Variants in EYS observed in about 807,000 individuals in gnomAD.
The protein encoded by EYS is protein eyes shut homolog.
In EYS, 250 loss-of-function variants were observed where a neutral mutation model predicts 282.1. The ratio of observed to expected loss-of-function variants is 0.89; its 90% CI spans 0.80 to 0.98. The LOEUF (loss-of-function observed/expected upper bound fraction) is 0.98, where lower values mean the gene tolerates loss of function less well. EYS is among the 50% of genes least tolerant of loss of function. The pLI, the probability that EYS is intolerant of heterozygous loss-of-function variation, is 0.00. For synonymous variants in EYS, 1,355 were observed against 1,282.9 expected, an observed-to-expected ratio of 1.06 and a Z score of -1.20; for missense variants, 4,016 against 3,709.0, an observed-to-expected ratio of 1.08 and a Z score of -2.15.
chr6:64,558,002 G>A (rs1330220953), intron 26 of EYS, among the ~76,000 whole-genome samples: 1 of 152,012 alleles, frequency 6.6e-6, no homozygotes, highest in African/African-American at 2.4e-5. Context: ...TGATACTACA[G>A]ACACTTTCAA....
At chr6:65,507,384 A>G (rs533867600) in intron 2 of EYS, among the ~76,000 whole-genome samples, 2 of 152,170 alleles carry the variant, frequency 1.3e-5, no homozygotes, top group South Asian at 2.1e-4. Context: ...TGCATATGAC[A>G]TGCCTAGAGA....
chr6:65,357,880 A>C (rs1764555897), intron 8 of EYS, among the ~76,000 whole-genome samples: 1 of 151,912 alleles, frequency 6.6e-6, no homozygotes, highest in Admixed American at 6.6e-5. Flanking sequence ...TCGTTTTTGT[A>C]AACTTAAATA....
chr6:65,147,295 CAT>C (rs1228752550), intron 12 of EYS, among the ~76,000 whole-genome samples: 2 of 151,906 alleles, frequency 1.3e-5, no homozygotes, highest in East Asian at 1.9e-4. Context: ...TATGCACACA[CAT>C]GTCATCTCTG....
chr6:64,151,333 A>ATATATATATT (rs1774712973), intron 31 of EYS, among the ~76,000 whole-genome samples: 1 of 102,148 alleles, frequency 9.8e-6, no homozygotes, highest in African/African-American at 5.4e-5. Context: ...ATATATATAT[A>ATATATATATT]TATATATATA....
At chr6:64,722,264 C>A (rs1378507902) in intron 22 of EYS, among the ~76,000 whole-genome samples, 1 of 151,838 alleles carries the variant, frequency 6.6e-6, no homozygotes, top group African/African-American at 2.4e-5. Context: ...GATATTTTGA[C>A]AAGAAAGAAG....
intron 15 of EYS, among the ~76,000 whole-genome samples, chr6:64,942,770 G>A (rs1283238970): frequency 1.4e-5 from 2 of 139,796 alleles, no homozygotes; most frequent in Admixed American, 7.5e-5. Context: ...ATGGATTCAC[G>A]CCAAATTTTA....
chr6:64,196,624 C>T (rs947507976), intron 31 of EYS, among the ~76,000 whole-genome samples: 9 of 151,846 alleles, frequency 5.9e-5, no homozygotes, highest in Non-Finnish European at 1.2e-4. Context: ...AATCATCATT[C>T]TCAGTAAACT....
intron 22 of EYS, among the ~76,000 whole-genome samples, chr6:64,632,845 C>T (rs1038302382): frequency 2.0e-5 from 3 of 151,990 alleles, no homozygotes; most frequent in South Asian, 2.1e-4. Flanking sequence ...ATTTTTATTA[C>T]TATTCAATTG....
chr6:65,668,272 A>T (rs574592960), intron 1 of EYS, among the ~76,000 whole-genome samples: 1 of 152,028 alleles, frequency 6.6e-6, no homozygotes, highest in East Asian at 1.9e-4. Context: ...AGTACCCTAA[A>T]ATCAATTCAT....
In EYS at chr6:65,703,351, A is replaced by G. The variant is rs532323984; in HGVS notation, c.-448+3784T>C. Among the ~76,000 whole-genome samples, 142 of 152,326 alleles carry G rather than the reference A, an allele frequency of 9.3e-4. No homozygotes were observed. In the South Asian group the frequency reaches 0.028, roughly 30 times the overall value. On this transcript the variant is annotated intron_variant, in intron 1 of 42. Coordinates refer to ENST00000503581, the MANE Select transcript of EYS (RefSeq NM_001142800.2). ...ATACATGGATAGATAGATATATAAT[A>G]AGAAAATATGTGAGCAATAATTCTT... is the stretch of plus-strand genomic sequence containing the variant.
intron 14 of EYS, among the ~76,000 whole-genome samples, chr6:64,976,633 A>G (rs1323109236): frequency 6.6e-6 from 1 of 151,824 alleles, no homozygotes; most frequent in Non-Finnish European, 1.5e-5. Context: ...ACCTACTAAT[A>G]CCATTGCTTT....
chr6:64,394,826 C>G (rs1240779180), intron 28 of EYS, among the ~76,000 whole-genome samples: 5 of 152,122 alleles, frequency 3.3e-5, no homozygotes, highest in Non-Finnish European at 7.3e-5. Context: ...AAAGAAACTA[C>G]CATCAGAGTG....
chr6:65,422,630 C>T (rs1483917853), intron 5 of EYS, among the ~76,000 whole-genome samples: 1 of 151,702 alleles, frequency 6.6e-6, no homozygotes, highest in Non-Finnish European at 1.5e-5. Context: ...GCCAGAGTGG[C>T]TGAAATAAAC....
intron 36 of EYS, among the ~76,000 whole-genome samples, chr6:63,837,068 T>C (rs1771827941): frequency 6.6e-6 from 1 of 152,118 alleles, no homozygotes; most frequent in Non-Finnish European, 1.5e-5. Context: ...TCAATTCACA[T>C]GTGACATTCA....
At chr6:63,825,104 G>A (rs1312686150) in intron 36 of EYS, among the ~76,000 whole-genome samples, 1 of 152,170 alleles carries the variant, frequency 6.6e-6, no homozygotes, top group Non-Finnish European at 1.5e-5. Flanking sequence ...TTGCATGGGA[G>A]CTGGGTGAGG....
At chr6:65,111,346 CCT>C (rs775631676) in intron 12 of EYS, among the ~76,000 whole-genome samples, 1 of 151,970 alleles carries the variant, frequency 6.6e-6, no homozygotes, top group Non-Finnish European at 1.5e-5. Context: ...TTTCTTAACC[CCT>C]GTTTGTTTTG....
At position 64,199,199 on chromosome 6, in the gene EYS, A is replaced by G. The variant is rs149670288; in HGVS notation, c.6424+31393T>C. On this transcript the variant is annotated intron_variant, in intron 31 of 42. Transcript: ENST00000503581. ...CTTCAAACTATACTACAAGGCTACA[A>G]TAACAAAAATAGCATGGTACTGGTA... is the stretch of plus-strand genomic sequence containing the variant. Among the ~76,000 whole-genome samples, 14 of 152,274 alleles carry G rather than the reference A, an allele frequency of 9.2e-5. No individual in the cohort carries two copies. In the East Asian group the frequency reaches 9.7e-4, roughly 10 times the overall value.
intron 5 of EYS, among the ~76,000 whole-genome samples, chr6:65,434,510 C>T (rs770851714): frequency 5.9e-5 from 9 of 151,942 alleles, no homozygotes; most frequent in Non-Finnish European, 7.4e-5. Flanking sequence ...TTAGCAGAGA[C>T]GGGGTTTCAC....
rs557566936 is a variant in EYS, at chr6:64,044,975, A to G, written c.6725+21363T>C. Among the ~76,000 whole-genome samples, 3 of 152,338 alleles carry G rather than the reference A, an allele frequency of 2.0e-5. No homozygotes were observed. In the South Asian group the frequency reaches 6.2e-4, roughly 32 times the overall value. ...GAATTAGCTGTATGTAGAACATTGT[A>G]TATAGAACATTGAGATAATCTTTGG... On this transcript the variant is annotated intron_variant, in intron 33 of 42. Transcript: ENST00000503581.
Sources: gnomAD v4.1 joint callset for allele counts (sites outside exome capture counted in the v4.1 genomes callset) on GRCh38, gnomAD v4.1.1 for gene constraint, MANE v1.5 for transcripts, NCBI Gene and HGNC (gene_info 2026-07-23, HGNC 2026-07-21) for gene names.